Variants in R3HDM2 observed in about 807,000 individuals in gnomAD.
The protein encoded by R3HDM2 is R3H domain-containing protein 2.
A neutral mutation model predicts 124.5 loss-of-function variants in R3HDM2; 38 were observed. The ratio of observed to expected loss-of-function variants is 0.31; its 90% CI spans 0.24 to 0.40. The LOEUF (loss-of-function observed/expected upper bound fraction) is 0.40, where lower values mean the gene tolerates loss of function less well. R3HDM2 is among the 10% of genes least tolerant of loss of function. The pLI is 1.00. For synonymous variants in R3HDM2, 391 were observed against 448.0 expected (o/e 0.87, Z 1.61); for missense variants, 869 against 1,236.9 (o/e 0.70, Z 4.46).
At chr12:57,363,347 A>G (rs1036371224) in intron 2 of R3HDM2, among the ~76,000 whole-genome samples, 1 of 152,174 alleles carries the variant, frequency 6.6e-6, no homozygotes, top group Non-Finnish European at 1.5e-5. Context: ...TCAGAGTTAT[A>G]CTACCATAAT....
rs559347387 is a variant in R3HDM2 at position 57,328,862 on chromosome 12, A to G, written c.-35-18399T>C. On this transcript the variant is annotated intron_variant, in intron 2 of 23. Transcript: ENST00000402412. ...TAATGGATGACAGTATAGTGTAAAC[A>G]TAACTTTTATATGCACTGAGACACA... Among the ~76,000 whole-genome samples the G allele has an allele frequency of 2.8e-4, 43 of 152,306 alleles. No homozygotes were observed. The South Asian group carries it at 8.7e-3, about 31-fold the overall frequency.
intron 12 of R3HDM2, 102 bp from the exon 13 acceptor site, chr12:57,284,158 GA>G: frequency 9.3e-7 from 1 of 1,069,856 alleles, no homozygotes; most frequent in Non-Finnish European, 1.4e-6. Flanking sequence ...GAATGGGTAA[GA>G]ATTAAAGGGA....
chr12:57,285,651 A>G (rs1015289837), intron 12 of R3HDM2, among the ~76,000 whole-genome samples: 2 of 152,212 alleles, frequency 1.3e-5, no homozygotes, highest in Non-Finnish European at 2.9e-5. Context: ...CTACATCTCA[A>G]TGGACAAAGG....
At position 57,269,769 on chromosome 12, in the gene R3HDM2, T is replaced by G; in HGVS notation, c.1570A>C (p.Met524Leu). The change falls in exon 15 of 24, where the codon ATG becomes CTG. Residue 524 changes from methionine (M) to leucine (L), a missense_variant. By Grantham distance (15) the Met-to-Leu change is conservative. Around this residue, in one of 2 missense-constraint regions of R3HDM2, gnomAD observed 602 missense variants for 789.2 expected, o/e 0.76. Coordinates refer to ENST00000402412, the MANE Select transcript of R3HDM2 (RefSeq NM_001394031.1). The stretch of plus-strand genomic sequence containing the variant: ...CTGCTCACCTGTTGAGGGGGCTGCA[T>G]GTACCCCTGGGGTGGCAGAACTTGC... ...TQQVLPPQGY[M>L]QPPQQIQVSY... The G allele has an allele frequency of 6.2e-7, 1 of 1,614,146 alleles. No individual in the cohort carries two copies. Among genetic ancestry groups the G allele is most frequent in the Middle Eastern group, 1.6e-4 (1 of 6,062 alleles).
At chr12:57,317,522 C>T (rs1426479242) in intron 2 of R3HDM2, among the ~76,000 whole-genome samples, 4 of 151,704 alleles carry the variant, frequency 2.6e-5, no homozygotes, top group Non-Finnish European at 5.9e-5. Context: ...AGACAATAGT[C>T]AATCTCGACC....
At position 57,271,085 on chromosome 12, in the gene R3HDM2, G is replaced by A. The variant is rs569316910; in HGVS notation, c.1345-1091C>T. On this transcript the variant is annotated intron_variant, in intron 14 of 23. Coordinates refer to ENST00000402412, the MANE Select transcript of R3HDM2 (RefSeq NM_001394031.1). ...CAGATAACACCTTGAGTGGATCATGGGTAGCTAGGTTCATGTGCCTTCACA... is the reference window on the plus strand; with the variant it reads ...CAGATAACACCTTGAGTGGATCATGAGTAGCTAGGTTCATGTGCCTTCACA... Among the ~76,000 whole-genome samples, 7 of 152,266 alleles carry A rather than the reference G, an allele frequency of 4.6e-5. No individual in the cohort carries two copies. The East Asian group carries it at 9.6e-4, about 21-fold the overall frequency.
At chr12:57,276,041 C>A (rs61650808) in intron 14 of R3HDM2, among the ~76,000 whole-genome samples, 3,711 of 151,934 alleles carry the variant, frequency 0.024, 162 homozygotes, top group African/African-American at 0.084. Flanking sequence ...CATGGTGAAA[C>A]CCCGTCTCTA....
At chr12:57,361,219 T>C (rs1303547989) in intron 2 of R3HDM2, among the ~76,000 whole-genome samples, 3 of 146,324 alleles carry the variant, frequency 2.1e-5, no homozygotes, top group Non-Finnish European at 4.5e-5. Context: ...CTACTAAAAA[T>C]ACAAAATGAG....
At chr12:57,416,593 C>A (rs1357564154) in intron 1 of R3HDM2, among the ~76,000 whole-genome samples, 1 of 152,094 alleles carries the variant, frequency 6.6e-6, no homozygotes, top group East Asian at 1.9e-4. Context: ...GCTGATTCAG[C>A]CCCAGGAGTT....
intron 5 of R3HDM2, 107 bp from the exon 6 acceptor site, chr12:57,299,585 A>G (rs2050663787): frequency 2.6e-6 from 3 of 1,146,178 alleles, no homozygotes; most frequent in Non-Finnish European, 2.4e-6. Flanking sequence ...TCTCTCTTAT[A>G]GATTAGTGTT....
At chr12:57,302,702 GA>G (rs934053659) in intron 4 of R3HDM2, among the ~76,000 whole-genome samples, 2 of 147,558 alleles carry the variant, frequency 1.4e-5, no homozygotes, top group Admixed American at 6.8e-5. Context: ...ACATTAGGGG[GA>G]AAAAAAAGCC....
chr12:57,359,534 A>G (rs1318951312), intron 2 of R3HDM2, among the ~76,000 whole-genome samples: 1 of 152,168 alleles, frequency 6.6e-6, no homozygotes, highest in Non-Finnish European at 1.5e-5. Flanking sequence ...TGGTGTTTGC[A>G]TGGTATATCG....
chr12:57,387,194 C>T (rs2065967263), intron 2 of R3HDM2, among the ~76,000 whole-genome samples: 1 of 152,062 alleles, frequency 6.6e-6, no homozygotes, highest in Non-Finnish European at 1.5e-5. Flanking sequence ...GGCTGGGGTC[C>T]CCTTCCACAC....
At chr12:57,388,897 A>G (rs915441211) in intron 2 of R3HDM2, among the ~76,000 whole-genome samples, 1 of 152,234 alleles carries the variant, frequency 6.6e-6, no homozygotes, top group African/African-American at 2.4e-5. Context: ...AAAAACAGCA[A>G]AAACCGAATC....
In R3HDM2 at chr12:57,254,056, T is replaced by C. The variant is rs2038187627; in HGVS notation, c.*717A>G. 4.8e-6 allele frequency: 2 copies of C among 417,140 alleles called. No individual in the cohort carries two copies. Among genetic ancestry groups the C allele is most frequent in the Admixed American group, 6.8e-5 (2 of 29,492 alleles). The allele number at this position is 417,140 out of a possible 1,614,324, so 25.8% of individuals were successfully genotyped here. On this transcript the variant is annotated 3_prime_UTR_variant, in exon 24 of 24. Transcript: ENST00000402412. ...ATCAATTTTGTTTATCTTAATTCTG[T>C]CCATATAAATATATTCATAAAGACC...
Position 57,255,980 on chromosome 12 carries a change from C to T in R3HDM2, c.2632+10G>A, listed in dbSNP as rs545078816. On this transcript the variant is annotated intron_variant, in intron 23 of 23. Transcript: ENST00000402412. ...ACCTTCTCTTGGGGATTCAGCATCCCGTGACTCACCAACATCTGCTGTCCC... is the reference window on the plus strand; with the variant it reads ...ACCTTCTCTTGGGGATTCAGCATCCTGTGACTCACCAACATCTGCTGTCCC... 1.5e-5 allele frequency: 24 copies of T among 1,609,342 alleles called. No homozygotes were observed. The East Asian group carries it at 2.0e-4, about 13-fold the overall frequency.
At chr12:57,285,856 C>T (rs1360756768) in intron 12 of R3HDM2, among the ~76,000 whole-genome samples, 1 of 152,200 alleles carries the variant, frequency 6.6e-6, no homozygotes, top group Non-Finnish European at 1.5e-5. Context: ...GTGAACAAGG[C>T]AACTTTAAAC....
intron 14 of R3HDM2, among the ~76,000 whole-genome samples, chr12:57,279,154 G>C (rs1432796074): frequency 6.7e-6 from 1 of 150,190 alleles, no homozygotes; most frequent in Non-Finnish European, 1.5e-5. Context: ...TCTCAGCACA[G>C]CTCTGCTCGG....
intron 2 of R3HDM2, among the ~76,000 whole-genome samples, chr12:57,367,948 T>C (rs2062857484): frequency 6.6e-6 from 1 of 152,086 alleles, no homozygotes; most frequent in Non-Finnish European, 1.5e-5. Flanking sequence ...ATTTATTTTA[T>C]GTTCTATATT....
Sources: gnomAD v4.1 joint callset for allele counts (sites outside exome capture counted in the v4.1 genomes callset) on GRCh38, gnomAD v4.1.1 for gene constraint, gnomAD v4.1.1 regional missense constraint, MANE v1.5 for transcripts, NCBI Gene and HGNC (gene_info 2026-07-23, HGNC 2026-07-21) for gene names.